Variants in TGFBR3 observed in about 807,000 individuals in gnomAD.
TGFBR3 encodes the protein transforming growth factor beta receptor 3, also known as transforming growth factor beta receptor type 3.
Under a neutral mutation model 87.9 loss-of-function variants are expected in TGFBR3, and 46 were observed. That is an observed-to-expected ratio of 0.52 (90% CI 0.41 to 0.67). TGFBR3 has a LOEUF of 0.67. Ranked by LOEUF, TGFBR3 falls within the 30% of genes least tolerant of loss-of-function variation. The pLI, the probability that TGFBR3 is intolerant of heterozygous loss-of-function variation, is 0.00. For missense variants in TGFBR3, 866 were observed against 1,041.9 expected, an observed-to-expected ratio of 0.83 and a Z score of 2.32; for synonymous variants, 381 against 391.6, an observed-to-expected ratio of 0.97 and a Z score of 0.32.
At chr1:91,688,930 G>T (rs892152299) in intron 16 of TGFBR3, among the ~76,000 whole-genome samples, 1 of 152,084 alleles carries the variant, frequency 6.6e-6, no homozygotes, top group Non-Finnish European at 1.5e-5. Flanking sequence ...AAGTCCCAGG[G>T]ATCAGACAGA....
chr1:91,707,559 C>G, intron 14 of TGFBR3, among the ~76,000 whole-genome samples: 1 of 152,220 alleles, frequency 6.6e-6, no homozygotes, highest in East Asian at 1.9e-4. Flanking sequence ...CACCACCCAG[C>G]AGGCCTTCCA....
intron 2 of TGFBR3, among the ~76,000 whole-genome samples, chr1:91,820,580 G>A (rs1181243601): frequency 1.3e-5 from 2 of 152,138 alleles, no homozygotes; most frequent in African/African-American, 4.8e-5. Flanking sequence ...CAGCTACTCG[G>A]GAGGCTGAGG....
Position 91,799,409 on chromosome 1 carries a change from G to A in TGFBR3, c.62-1938C>T, listed in dbSNP as rs1027195819. Among the ~76,000 whole-genome samples, 6 of 152,184 alleles carry A rather than the reference G, an allele frequency of 3.9e-5. No individual in the cohort carries two copies. In the South Asian group the frequency reaches 8.3e-4, roughly 21 times the overall value. ...TTCCCTGGAGCCCCTGGCGGGGTGCGGGGAAACCATATGGGCAGGTGCTCC... is the reference window on the plus strand; with the variant it reads ...TTCCCTGGAGCCCCTGGCGGGGTGCAGGGAAACCATATGGGCAGGTGCTCC... On this transcript the variant is annotated intron_variant, in intron 2 of 16. Transcript: ENST00000212355.
At chr1:91,690,416 T>C (rs1296701424) in intron 16 of TGFBR3, among the ~76,000 whole-genome samples, 3 of 151,956 alleles carry the variant, frequency 2.0e-5, no homozygotes, top group African/African-American at 7.3e-5. Flanking sequence ...TCGGCAAACA[T>C]ATATTAATAC....
chr1:91,761,345 C>T (rs1296045108), intron 3 of TGFBR3, among the ~76,000 whole-genome samples: 1 of 152,160 alleles, frequency 6.6e-6, no homozygotes, highest in Non-Finnish European at 1.5e-5. Context: ...TTTCTAGGAG[C>T]CACAGCTCTC....
intron 4 of TGFBR3, among the ~76,000 whole-genome samples, chr1:91,741,508 A>G (rs1463784548): frequency 1.3e-5 from 2 of 152,154 alleles, no homozygotes; most frequent in Admixed American, 6.5e-5. Context: ...ACCATTGGTC[A>G]TGTATGATTA....
intron 1 of TGFBR3, among the ~76,000 whole-genome samples, chr1:91,876,288 AACTAAG>A (rs1678805661): frequency 6.6e-6 from 1 of 152,156 alleles, no homozygotes; most frequent in Non-Finnish European, 1.5e-5. Flanking sequence ...GAGAAACAGG[AACTAAG>A]ACCTGCCGGG....
chr1:91,812,906 G>C (rs1210280756), intron 2 of TGFBR3, among the ~76,000 whole-genome samples: 1 of 152,222 alleles, frequency 6.6e-6, no homozygotes, highest in Non-Finnish European at 1.5e-5. Context: ...GAGCTACCGT[G>C]CCTGGCTGCT....
intron 1 of TGFBR3, among the ~76,000 whole-genome samples, chr1:91,882,903 G>A (rs1157787324): frequency 2.0e-5 from 3 of 152,012 alleles, no homozygotes; most frequent in Non-Finnish European, 4.4e-5. Context: ...GAATATTAAC[G>A]TAAGCCTCTG....
At chr1:91,828,272 C>T (rs190277314) in intron 2 of TGFBR3, among the ~76,000 whole-genome samples, 111 of 152,310 alleles carry the variant, frequency 7.3e-4, no homozygotes, top group African/African-American at 2.4e-3. Context: ...TAACCATGCA[C>T]ACCTCCTCTT....
At chr1:91,817,399 A>G (rs1023841032) in intron 2 of TGFBR3, among the ~76,000 whole-genome samples, 1 of 152,240 alleles carries the variant, frequency 6.6e-6, no homozygotes, top group Non-Finnish European at 1.5e-5. Flanking sequence ...GAACACTATG[A>G]TCATATTTCA....
intron 3 of TGFBR3, among the ~76,000 whole-genome samples, chr1:91,779,547 A>C (rs1674691433): frequency 6.6e-6 from 1 of 152,234 alleles, no homozygotes; most frequent in African/African-American, 2.4e-5. Flanking sequence ...GGTGGTGGTC[A>C]GAAGTGGGCA....
At chr1:91,770,280 T>C (rs2100930137) in intron 3 of TGFBR3, among the ~76,000 whole-genome samples, 1 of 151,472 alleles carries the variant, frequency 6.6e-6, no homozygotes, top group Non-Finnish European at 1.5e-5. Context: ...CTAAATAGAC[T>C]TTATCCCATG....
chr1:91,813,069 G>A (rs1676083566), intron 2 of TGFBR3, among the ~76,000 whole-genome samples: 2 of 152,146 alleles, frequency 1.3e-5, no homozygotes, highest in Non-Finnish European at 2.9e-5. Flanking sequence ...ACCAGAAGAT[G>A]GCTCCCCAAC....
At chr1:91,784,634 A>C (rs1365465763) in intron 3 of TGFBR3, among the ~76,000 whole-genome samples, 1 of 152,226 alleles carries the variant, frequency 6.6e-6, no homozygotes, top group Non-Finnish European at 1.5e-5. Context: ...CTAAGACCTA[A>C]GCATGGGCTT....
chr1:91,753,933 T>C lies in TGFBR3; in HGVS notation c.384+4680A>G. On this transcript the variant is annotated intron_variant, in intron 4 of 16. Coordinates refer to ENST00000212355, the MANE Select transcript of TGFBR3 (RefSeq NM_003243.5). ...ATTTGTGGACAAGTTCTTGGGGACATGTGTTTTGCTCAGTTTTCCACAGAA... is the reference window on the plus strand; with the variant it reads ...ATTTGTGGACAAGTTCTTGGGGACACGTGTTTTGCTCAGTTTTCCACAGAA... Among the ~76,000 whole-genome samples the C allele has an allele frequency of 1.3e-5, 2 of 152,204 alleles. 1 individual carries two copies. Among genetic ancestry groups the C allele is most frequent in the Non-Finnish European group, 2.9e-5 (2 of 68,038 alleles).
intron 3 of TGFBR3, among the ~76,000 whole-genome samples, chr1:91,789,300 C>T (rs569244620): frequency 1.8e-4 from 28 of 151,612 alleles, no homozygotes; most frequent in East Asian, 3.9e-4. Context: ...GAGTGAGACT[C>T]GTCTCGAAAA....
At chr1:91,757,283 G>A (rs1673778347) in intron 4 of TGFBR3, among the ~76,000 whole-genome samples, 1 of 152,076 alleles carries the variant, frequency 6.6e-6, no homozygotes, top group Admixed American at 6.5e-5. Context: ...TGCATTTCTG[G>A]CAAAAATACC....
chr1:91,820,963 G>T (rs1348140097), intron 2 of TGFBR3, among the ~76,000 whole-genome samples: 1 of 152,148 alleles, frequency 6.6e-6, no homozygotes, highest in Non-Finnish European at 1.5e-5. Flanking sequence ...TTGGAGACAC[G>T]AGAGGAACTC....
Sources: gnomAD v4.1 joint callset for allele counts (sites outside exome capture counted in the v4.1 genomes callset) on GRCh38, gnomAD v4.1.1 for gene constraint, MANE v1.5 for transcripts, NCBI Gene and HGNC (gene_info 2026-07-23, HGNC 2026-07-21) for gene names.